Variants in DNAJB6 observed in about 807,000 individuals in gnomAD.
DNAJB6 encodes dnaJ homolog subfamily B member 6.
Under a neutral mutation model 42.7 loss-of-function variants are expected in DNAJB6, and 16 were observed. The ratio of observed to expected loss-of-function variants is 0.37; its 90% CI spans 0.25 to 0.57. The LOEUF is 0.57. DNAJB6 is among the 20% of genes least tolerant of loss of function. The pLI, the probability that DNAJB6 is intolerant of heterozygous loss-of-function variation, is 0.74. For missense variants in DNAJB6, 347 were observed against 416.8 expected (o/e 0.83, Z 1.46); for synonymous variants, 170 against 163.5 (o/e 1.04, Z -0.30).
chr7:157,412,070 A>C (rs1277464395), intron 9 of DNAJB6: 1 of 152,226 alleles, frequency 6.6e-6, no homozygotes, highest in Non-Finnish European at 1.5e-5. Flanking sequence ...AAGATACCAA[A>C]GTAACCATCA....
At chr7:157,405,927 T>G (rs1424905639) in intron 8 of DNAJB6, among the ~76,000 whole-genome samples, 1 of 152,230 alleles carries the variant, frequency 6.6e-6, no homozygotes, top group Non-Finnish European at 1.5e-5. Context: ...GTGGGAACGC[T>G]CCATCCACAG....
chr7:157,398,120 G>C (rs766310132), intron 8 of DNAJB6, among the ~76,000 whole-genome samples: 1 of 152,240 alleles, frequency 6.6e-6, no homozygotes, highest in Non-Finnish European at 1.5e-5. Flanking sequence ...AGGGCTGTTC[G>C]ATGTGCCTTT....
At chr7:157,337,334 C>CTGGTCT (rs1798091339) in intron 1 of DNAJB6, among the ~76,000 whole-genome samples, 190 bp downstream of exon 1, 1 of 151,136 alleles carries the variant, frequency 6.6e-6, no homozygotes, top group Admixed American at 6.6e-5. Context: ...TCCTCTGGGT[C>CTGGTCT]AGGTCTGGGG....
At chr7:157,406,767 G>A (rs926462224) in intron 8 of DNAJB6, among the ~76,000 whole-genome samples, 1 of 152,258 alleles carries the variant, frequency 6.6e-6, no homozygotes, top group Non-Finnish European at 1.5e-5. Context: ...CTGAGGAGAC[G>A]ACACAGGGAG....
chr7:157,369,546 A>C, intron 5 of DNAJB6: 1 of 360,468 alleles, frequency 2.8e-6, no homozygotes, highest in Non-Finnish European at 5.5e-6. Flanking sequence ...ATTATGATTA[A>C]ACAGGGCTTT....
At chr7:157,362,416 C>T (rs1252656660) in intron 2 of DNAJB6, among the ~76,000 whole-genome samples, 1 of 152,088 alleles carries the variant, frequency 6.6e-6, no homozygotes, top group African/African-American at 2.4e-5. Flanking sequence ...CTCTTGTTGC[C>T]CAGGCTGGAG....
chr7:157,401,801 C>T (rs181548927), intron 8 of DNAJB6, among the ~76,000 whole-genome samples: 1 of 152,220 alleles, frequency 6.6e-6, no homozygotes, highest in Non-Finnish European at 1.5e-5. Context: ...TGAGTGTGCC[C>T]TGACCTCTGC....
chr7:157,352,116 G>C (rs1799016036), intron 1 of DNAJB6, among the ~76,000 whole-genome samples: 1 of 152,058 alleles, frequency 6.6e-6, no homozygotes. Context: ...CGGATAACGA[G>C]GTCAGGAGAT....
intron 6 of DNAJB6, among the ~76,000 whole-genome samples, chr7:157,384,393 G>C (rs1800944235): frequency 6.6e-6 from 1 of 152,236 alleles, no homozygotes; most frequent in Non-Finnish European, 1.5e-5. Flanking sequence ...CTCTGTTCCT[G>C]TGGGGTAAGA....
chr7:157,378,484 G>A (rs1450167835), intron 5 of DNAJB6: 1 of 152,154 alleles, frequency 6.6e-6, no homozygotes, highest in East Asian at 1.9e-4. Context: ...CGCGGTCGGA[G>A]CCCCACGGGA....
intron 5 of DNAJB6, 190 bp from the exon 6 acceptor site, chr7:157,382,056 A>G (rs183188267): frequency 1.0e-4 from 53 of 519,070 alleles, no homozygotes; most frequent in African/African-American, 9.3e-4. Context: ...TAGTTGAATT[A>G]AACTAGTTAG....
intron 8 of DNAJB6, among the ~76,000 whole-genome samples, chr7:157,387,805 A>G (rs1801146341): frequency 6.6e-6 from 1 of 152,004 alleles, no homozygotes; most frequent in Non-Finnish European, 1.5e-5. Flanking sequence ...AGGAGGGAGC[A>G]TTCATTTGTA....
Position 157,416,525 on chromosome 7 carries a change from A to G in DNAJB6, c.*427A>G, listed in dbSNP as rs993559167. The G allele has an allele frequency of 5.7e-6, 1 of 174,430 alleles. No homozygotes were observed. The highest frequency in any genetic ancestry group is 1.2e-5 in the Non-Finnish European group (1 of 81,480). 10.8% of individuals were successfully genotyped at this position (174,430 alleles called of 1,614,324 possible). ...AGTGTTTGGAATTAGAAGGTAATTC[A>G]GTAGAGTGTAACTTAGAGAATATTG... On this transcript the variant is annotated 3_prime_UTR_variant, in exon 10 of 10. Transcript: ENST00000262177.
In DNAJB6 at chr7:157,386,614, G is replaced by C. The variant is rs1190583664; in HGVS notation, c.691+1003G>C. Among the ~76,000 whole-genome samples, 23 of 103,768 alleles carry C rather than the reference G, an allele frequency of 2.2e-4. No individual in the cohort carries two copies. The Admixed American group carries it at 2.4e-3, about 11-fold the overall frequency. The allele number at this position is 103,768 out of a possible 152,430, so 68.1% of individuals were successfully genotyped here. A position where few individuals can be genotyped will look rare whatever the true frequency, so the allele number is the denominator to read the frequency against. On this transcript the variant is annotated intron_variant, in intron 8 of 9. Coordinates refer to ENST00000262177, the MANE Select transcript of DNAJB6 (RefSeq NM_058246.4). ...ATCACTTACGGATCCGGGCGCGGTA[G>C]CTCAACGCCTGTAATCCCAGCACTT...
intron 3 of DNAJB6, among the ~76,000 whole-genome samples, chr7:157,365,357 T>A (rs151207456): frequency 6.6e-6 from 1 of 152,238 alleles, no homozygotes; most frequent in Non-Finnish European, 1.5e-5. Flanking sequence ...GGAATGTAAG[T>A]GTGAAGACTG....
intron 8 of DNAJB6, among the ~76,000 whole-genome samples, chr7:157,401,122 G>T (rs1052922394): frequency 5.3e-5 from 8 of 152,334 alleles, no homozygotes; most frequent in African/African-American, 1.9e-4. Flanking sequence ...CTCACCTCCT[G>T]CAGGGCTTAC....
chr7:157,339,853 CT>C (rs949558784), intron 1 of DNAJB6: 2 of 152,334 alleles, frequency 1.3e-5, no homozygotes, highest in Non-Finnish European at 2.9e-5. Flanking sequence ...TCTCGAACTC[CT>C]GACCTCAGGT....
Position 157,409,893 on chromosome 7 carries a change from C to G in DNAJB6, c.790C>G (p.Arg264Gly). ...PAGLRPPKPP[R>G]PASLLRHAPH... ...CGGCCTCCGCCCGCCGAAGCCGCCC[C>G]GGCCTGCCTCGCTGCTGAGACACGC... The change falls in exon 9 of 10, where the codon CGG (arginine) becomes GGG (glycine). Residue 264 changes from arginine to glycine, a missense_variant. By Grantham distance (125) the Arg-to-Gly change is moderately radical. This residue lies in a region of DNAJB6 where 264 missense variants were observed against 288.0 expected (regional missense o/e 0.92). Coordinates refer to ENST00000262177, the MANE Select transcript of DNAJB6 (RefSeq NM_058246.4). 1 of 1,534,074 alleles carries G rather than the reference C, an allele frequency of 6.5e-7. No homozygotes were observed. Among genetic ancestry groups the G allele is most frequent in the Non-Finnish European group, 8.7e-7 (1 of 1,145,648 alleles).
At chr7:157,368,146 CT>C (rs1335157232) in intron 5 of DNAJB6, among the ~76,000 whole-genome samples, 13 of 152,140 alleles carry the variant, frequency 8.5e-5, no homozygotes, top group African/African-American at 2.9e-4. Flanking sequence ...GCTGTAAAAT[CT>C]TTTCTCTTCT....
Sources: allele counts gnomAD v4.1 joint callset (sites outside exome capture counted in the v4.1 genomes callset), GRCh38; gene constraint gnomAD v4.1.1; regional missense constraint gnomAD v4.1.1; transcripts MANE v1.5; gene names NCBI Gene and HGNC (gene_info 2026-07-23, HGNC 2026-07-21).